SESTD1: variants seen among roughly 807,000 people sequenced by gnomAD.
SESTD1 encodes the protein SEC14 and spectrin domain containing 1.
A neutral mutation model predicts 101.7 loss-of-function variants in SESTD1; 43 were observed. That is an observed-to-expected ratio of 0.42 (90% CI 0.33 to 0.55). SESTD1 has a LOEUF of 0.55. Among genes scored for constraint, SESTD1 ranks in the 20% least tolerant of loss-of-function variants. The pLI, the probability that SESTD1 is intolerant of heterozygous loss-of-function variation, is 0.07. For synonymous variants in SESTD1, 283 were observed against 286.8 expected (o/e 0.99, Z 0.13); for missense variants, 647 against 815.1 (o/e 0.79, Z 2.51).
chr2:179,162,013 T>C (rs1055310333), intron 5 of SESTD1, among the ~76,000 whole-genome samples: 5 of 152,190 alleles, frequency 3.3e-5, no homozygotes, highest in African/African-American at 1.2e-4. Context: ...TTAGTAATAA[T>C]TGTCTTGAGG....
chr2:179,245,314 G>T (rs557504133), intron 1 of SESTD1, among the ~76,000 whole-genome samples: 1 of 151,934 alleles, frequency 6.6e-6, no homozygotes, highest in African/African-American at 2.4e-5. Context: ...TAGGAGTTCC[G>T]AGACCAGCCT....
At position 179,203,622 on chromosome 2, in the gene SESTD1, T is replaced by C. The variant is rs77934546; in HGVS notation, c.-25-11756A>G. ...AATAGTCCAGTAATCATAAATAAAT[T>C]GTCTTACTGAAGTCTGTGAGCTATT... On this transcript the variant is annotated intron_variant, in intron 1 of 17. Coordinates refer to ENST00000428443, the MANE Select transcript of SESTD1 (RefSeq NM_178123.5). 5.9e-3 allele frequency among the ~76,000 whole-genome samples: 800 copies of C among 134,936 alleles called. 197 individuals carry two copies. Among genetic ancestry groups the C allele is most frequent in the African/African-American group, 0.022 (758 of 34,102 alleles). The allele number at this position is 134,936 out of a possible 152,430, so 88.5% of individuals were successfully genotyped here.
chr2:179,108,769 C>G lies in SESTD1; in HGVS notation c.*1130G>C, dbSNP rs565480418. The G allele has an allele frequency of 2.0e-5, 3 of 151,890 alleles. No homozygotes were observed. In the South Asian group the frequency reaches 6.2e-4, roughly 32 times the overall value. 9.4% of individuals were successfully genotyped at this position (151,890 alleles called of 1,614,324 possible). A position where few individuals can be genotyped will look rare whatever the true frequency, so the allele number is the denominator to read the frequency against. On this transcript the variant is annotated 3_prime_UTR_variant, in exon 18 of 18. Transcript: ENST00000428443. Reference sequence around the variant, plus strand: ...TAAAATTTAAATTATATGCATTTTACCATTTAAACTTAATACAAACTTAAA... The same window carrying G: ...TAAAATTTAAATTATATGCATTTTAGCATTTAAACTTAATACAAACTTAAA...
intron 3 of SESTD1, among the ~76,000 whole-genome samples, chr2:179,179,869 T>C (rs951657121): frequency 6.6e-6 from 1 of 152,098 alleles, no homozygotes; most frequent in Non-Finnish European, 1.5e-5. Context: ...CACACTAGCC[T>C]CCTTGATGTT....
intron 8 of SESTD1, among the ~76,000 whole-genome samples, chr2:179,145,926 A>G (rs563522200): frequency 8.2e-4 from 125 of 152,324 alleles, no homozygotes; most frequent in Non-Finnish European, 1.3e-3. Context: ...TTTCATCTTC[A>G]TTTTATAGAT....
At chr2:179,115,790 TCTC>T (rs2044617992) in intron 15 of SESTD1, among the ~76,000 whole-genome samples, 1 of 151,580 alleles carries the variant, frequency 6.6e-6, no homozygotes, top group Non-Finnish European at 1.5e-5. Flanking sequence ...TAGAAAAAAG[TCTC>T]CTTCTGTTAG....
intron 4 of SESTD1, among the ~76,000 whole-genome samples, chr2:179,175,499 T>G (rs1266562779): frequency 1.3e-5 from 2 of 151,980 alleles, no homozygotes; most frequent in Non-Finnish European, 2.9e-5. Context: ...GATTCCATGT[T>G]ACTACCAACT....
At chr2:179,147,246 A>G (rs564582588) in intron 7 of SESTD1, among the ~76,000 whole-genome samples, 193 of 152,150 alleles carry the variant, frequency 1.3e-3, no homozygotes, top group African/African-American at 4.4e-3. Context: ...AAGCAATAAC[A>G]CGTCAGTTCC....
intron 2 of SESTD1, among the ~76,000 whole-genome samples, chr2:179,186,066 T>C (rs1488626098): frequency 1.4e-5 from 2 of 146,434 alleles, no homozygotes; most frequent in Non-Finnish European, 3.0e-5. Flanking sequence ...TAGTATATTA[T>C]ATACAATATA....
At chr2:179,221,555 G>A (rs914834204) in intron 1 of SESTD1, among the ~76,000 whole-genome samples, 6 of 151,656 alleles carry the variant, frequency 4.0e-5, no homozygotes, top group Non-Finnish European at 5.9e-5. Flanking sequence ...AAAGGCAGAG[G>A]TTGCAGTGAG....
intron 17 of SESTD1, among the ~76,000 whole-genome samples, chr2:179,111,251 G>C (rs917554701): frequency 1.3e-5 from 2 of 152,212 alleles, no homozygotes; most frequent in African/African-American, 4.8e-5. Flanking sequence ...TGGGGCTTGA[G>C]ATAACGTAAG....
intron 9 of SESTD1, among the ~76,000 whole-genome samples, chr2:179,137,977 A>G (rs1575435569): frequency 6.6e-6 from 1 of 152,204 alleles, no homozygotes; most frequent in African/African-American, 2.4e-5. Context: ...TTCAATATAT[A>G]TTATCATATA....
intron 1 of SESTD1, among the ~76,000 whole-genome samples, chr2:179,194,143 A>G (rs1490061818): frequency 1.3e-5 from 2 of 151,884 alleles, no homozygotes; most frequent in Non-Finnish European, 2.9e-5. Flanking sequence ...CCCCTAACAA[A>G]CCACCTTCAC....
chr2:179,178,761 T>C (rs557304790), intron 3 of SESTD1, among the ~76,000 whole-genome samples: 1 of 152,288 alleles, frequency 6.6e-6, no homozygotes, highest in African/African-American at 2.4e-5. Flanking sequence ...AAATGTGCCA[T>C]GTGCCATTCT....
chr2:179,201,824 G>A (rs1184229562), intron 1 of SESTD1, among the ~76,000 whole-genome samples: 1 of 130,370 alleles, frequency 7.7e-6, no homozygotes, highest in Non-Finnish European at 1.6e-5. Flanking sequence ...CCTAATGCTA[G>A]ATGATGAGTT....
intron 12 of SESTD1, 104 bp from the exon 13 acceptor site, chr2:179,122,033 G>C: frequency 8.3e-7 from 1 of 1,201,170 alleles, no homozygotes; most frequent in Non-Finnish European, 1.1e-6. Context: ...CCAAGTATAG[G>C]AGCTTTGTAC....
At chr2:179,235,461 TAC>T (rs1470218751) in intron 1 of SESTD1, among the ~76,000 whole-genome samples, 3 of 152,214 alleles carry the variant, frequency 2.0e-5, no homozygotes, top group Non-Finnish European at 4.4e-5. Flanking sequence ...TAGGTAAAAT[TAC>T]AGTCATCTGT....
Position 179,191,029 on chromosome 2 carries a change from C to T in SESTD1, c.55+758G>A, listed in dbSNP as rs187436114. 3.9e-5 allele frequency among the ~76,000 whole-genome samples: 6 copies of T among 152,134 alleles called. No homozygotes were observed. In the East Asian group the frequency reaches 1.2e-3, roughly 29 times the overall value. ...AATGTATTTTCCTTTGGGTATATAC[C>T]CAGTAATGGGATTGCTACCATTCAA... is the stretch of plus-strand genomic sequence containing the variant. On this transcript the variant is annotated intron_variant, in intron 2 of 17. Transcript: ENST00000428443.
intron 1 of SESTD1, among the ~76,000 whole-genome samples, chr2:179,258,670 TGCACACGCACGTGCATGCATGCACAC>T (rs1175902342): frequency 6.6e-6 from 1 of 152,120 alleles, no homozygotes; most frequent in Non-Finnish European, 1.5e-5. Flanking sequence ...CACACACACA[TGCACACGCACGTGCATGCATGCACAC>T]ACACACACAC....
Sources: gnomAD v4.1 joint callset for allele counts (sites outside exome capture counted in the v4.1 genomes callset) on GRCh38, gnomAD v4.1.1 for gene constraint, MANE v1.5 for transcripts, NCBI Gene and HGNC (gene_info 2026-07-23, HGNC 2026-07-21) for gene names.